NUMB: variants seen among roughly 807,000 people sequenced by gnomAD.
NUMB encodes NUMB endocytic adaptor protein, also known as protein numb homolog.
A neutral mutation model predicts 59.7 loss-of-function variants in NUMB; 29 were observed. The observed-to-expected ratio is 0.49, with a 90% confidence interval of 0.36 to 0.66. NUMB has a LOEUF of 0.66. Ranked by LOEUF, NUMB falls within the 30% of genes least tolerant of loss-of-function variation. The pLI is 0.00. For synonymous variants in NUMB, 288 were observed against 288.2 expected (o/e 1.00, Z 0.01); for missense variants, 723 against 822.0 (o/e 0.88, Z 1.47).
At chr14:73,357,074 T>G (rs1277502619) in intron 3 of NUMB, 1 of 896,832 alleles carries the variant, frequency 1.1e-6, no homozygotes, top group African/African-American at 1.8e-5. Flanking sequence ...ATAAAAAAAA[T>G]GACAAAGGTA....
intron 6 of NUMB, among the ~76,000 whole-genome samples, chr14:73,315,875 A>G (rs1392680422): frequency 6.6e-6 from 1 of 151,958 alleles, no homozygotes; most frequent in Non-Finnish European, 1.5e-5. Context: ...AACCTACTTG[A>G]TTCATTTATT....
intron 1 of NUMB, among the ~76,000 whole-genome samples, chr14:73,414,781 G>A (rs1366874405): frequency 1.3e-5 from 2 of 152,084 alleles, no homozygotes; most frequent in African/African-American, 2.4e-5. Flanking sequence ...GTGCAGTAGC[G>A]TGATCTCAGC....
At chr14:73,333,827 C>T (rs1892130829) in intron 4 of NUMB, among the ~76,000 whole-genome samples, 2 of 151,498 alleles carry the variant, frequency 1.3e-5, no homozygotes, top group Admixed American at 1.3e-4. Context: ...TAAGACTAGC[C>T]TATGCTTCCT....
At chr14:73,392,023 T>C (rs1352111145) in intron 2 of NUMB, among the ~76,000 whole-genome samples, 3 of 151,918 alleles carry the variant, frequency 2.0e-5, no homozygotes, top group Non-Finnish European at 4.4e-5. Context: ...TTCCCCAGGG[T>C]TTTTTGTTTT....
At chr14:73,310,863 ATTAC>A (rs1890742606) in intron 6 of NUMB, among the ~76,000 whole-genome samples, 1 of 152,182 alleles carries the variant, frequency 6.6e-6, no homozygotes, top group Non-Finnish European at 1.5e-5. Flanking sequence ...GGGAATACAG[ATTAC>A]TTAGTTCATA....
At chr14:73,382,991 C>T (rs2140081155) in intron 2 of NUMB, among the ~76,000 whole-genome samples, 1 of 152,194 alleles carries the variant, frequency 6.6e-6, no homozygotes. Flanking sequence ...ACCAAAAATA[C>T]AAAAATCAGC....
chr14:73,276,796 C>A lies in NUMB; in HGVS notation c.1738G>T (p.Ala580Ser), dbSNP rs2140333340. Residue 580 changes from alanine (A) to serine (S), a missense_variant, in exon 13 of 13, where the codon GCT (alanine) becomes TCT (serine). By Grantham distance (99) the Ala-to-Ser change is moderately conservative. Coordinates refer to ENST00000555238, the MANE Select transcript of NUMB (RefSeq NM_001005743.2). Reference protein sequence around the residue: ...ATTSPFFKPPAQHLNGSAAFN... With the variant: ...ATTSPFFKPPSQHLNGSAAFN... ...GCTGCAGAACCGTTGAGGTGCTGAG[C>A]AGGAGGCTTAAAGAAGGGACTGGTG... The A allele has an allele frequency of 1.2e-6, 2 of 1,614,148 alleles. No individual in the cohort carries two copies. Among genetic ancestry groups the A allele is most frequent in the African/African-American group, 1.3e-5 (1 of 75,032 alleles).
intron 2 of NUMB, among the ~76,000 whole-genome samples, chr14:73,385,662 C>G (rs538439926): frequency 6.6e-6 from 1 of 151,852 alleles, no homozygotes; most frequent in East Asian, 1.9e-4. Context: ...CCACCACACC[C>G]GGCTAATTTT....
intron 2 of NUMB, among the ~76,000 whole-genome samples, chr14:73,393,412 T>C (rs772888044): frequency 5.2e-4 from 79 of 152,182 alleles, no homozygotes; most frequent in Non-Finnish European, 5.9e-4. Flanking sequence ...AACATAAACT[T>C]TGGAGATAGC....
At chr14:73,399,267 C>A (rs7148830) in intron 2 of NUMB, among the ~76,000 whole-genome samples, 1 of 152,044 alleles carries the variant, frequency 6.6e-6, no homozygotes, top group African/African-American at 2.4e-5. Flanking sequence ...CAGCTATGGA[C>A]TGAAAATATG....
At chr14:73,349,808 G>A (rs1318624971) in intron 4 of NUMB, among the ~76,000 whole-genome samples, 1 of 151,660 alleles carries the variant, frequency 6.6e-6, no homozygotes, top group African/African-American at 2.4e-5. Context: ...GAACCCGGGA[G>A]GCAGAGCTTG....
At chr14:73,451,426 A>G (rs1300608575) in intron 1 of NUMB, among the ~76,000 whole-genome samples, 1 of 146,468 alleles carries the variant, frequency 6.8e-6, no homozygotes, top group African/African-American at 2.6e-5. Context: ...AACAGAGGAG[A>G]CACCGTCTAA....
chr14:73,450,719 G>A (rs548207164), intron 1 of NUMB, among the ~76,000 whole-genome samples: 2 of 152,030 alleles, frequency 1.3e-5, no homozygotes, highest in South Asian at 4.2e-4. Flanking sequence ...AACCTGATAG[G>A]CGGAGGTTGC....
At chr14:73,395,546 G>A (rs911271478) in intron 2 of NUMB, among the ~76,000 whole-genome samples, 10 of 152,040 alleles carry the variant, frequency 6.6e-5, no homozygotes, top group African/African-American at 1.2e-4. Context: ...GCTTGAGCCC[G>A]GGAGGTCAAG....
chr14:73,317,636 T>C (rs566737832), intron 5 of NUMB, among the ~76,000 whole-genome samples: 57 of 152,300 alleles, frequency 3.7e-4, no homozygotes, highest in South Asian at 8.3e-4. Flanking sequence ...GAAACTTGCA[T>C]TGACATTTAT....
chr14:73,306,522 T>TTGAA lies in NUMB; in HGVS notation c.235-9241_235-9238dup, dbSNP rs143683908. ...CTGTTTCCTTCTCAACACCCCTAGG[T>TTGAA]TGAATGAATGAATGAATGAATGAGT... On this transcript the variant is annotated intron_variant, in intron 6 of 12. Coordinates refer to ENST00000555238, the MANE Select transcript of NUMB (RefSeq NM_001005743.2). 2.6e-3 allele frequency among the ~76,000 whole-genome samples: 392 copies of TTGAA among 152,230 alleles called. 1 individual carries two copies. Among genetic ancestry groups the TTGAA allele is most frequent in the Admixed American group, 4.5e-3 (69 of 15,294 alleles).
chr14:73,381,496 T>C (rs1895242441), intron 2 of NUMB, among the ~76,000 whole-genome samples: 1 of 152,230 alleles, frequency 6.6e-6, no homozygotes, highest in East Asian at 1.9e-4. Context: ...AAGCCATACA[T>C]AGTTCTAACA....
intron 2 of NUMB, among the ~76,000 whole-genome samples, chr14:73,382,525 G>A (rs1022038656): frequency 6.6e-6 from 1 of 151,706 alleles, no homozygotes; most frequent in Non-Finnish European, 1.5e-5. Context: ...AAGAAGGAGA[G>A]GCCCTGACAC....
At position 73,351,821 on chromosome 14, in the gene NUMB, A is replaced by C. The variant is rs535718656; in HGVS notation, c.126+3805T>G. 1.1e-4 allele frequency among the ~76,000 whole-genome samples: 16 copies of C among 151,562 alleles called. No homozygotes were observed. In the South Asian group the frequency reaches 1.7e-3, roughly 16 times the overall value. ...GAAACCCCGTCTCTACTAAAAATACAAAAAATTAGCCAGGTGTGGTGGCAG... is the reference window on the plus strand; with the variant it reads ...GAAACCCCGTCTCTACTAAAAATACCAAAAATTAGCCAGGTGTGGTGGCAG... On this transcript the variant is annotated intron_variant, in intron 4 of 12. Coordinates refer to ENST00000555238, the MANE Select transcript of NUMB (RefSeq NM_001005743.2).
Sources: allele counts gnomAD v4.1 joint callset (sites outside exome capture counted in the v4.1 genomes callset), GRCh38; gene constraint gnomAD v4.1.1; transcripts MANE v1.5; gene names NCBI Gene and HGNC (gene_info 2026-07-23, HGNC 2026-07-21).